THSD7B: variants seen among roughly 807,000 people sequenced by gnomAD.
The protein encoded by THSD7B is thrombospondin type-1 domain-containing protein 7B.
THSD7B carries 138 observed loss-of-function variants against 213.6 expected under a neutral mutation model. The ratio of observed to expected loss-of-function variants is 0.65; its 90% CI spans 0.56 to 0.74. The LOEUF is 0.74. Among genes scored for constraint, THSD7B ranks in the 30% least tolerant of loss-of-function variants. The pLI, the probability that THSD7B is intolerant of heterozygous loss-of-function variation, is 0.00. For missense variants in THSD7B, 1,931 were observed against 1,991.5 expected, an observed-to-expected ratio of 0.97 and a Z score of 0.58; for synonymous variants, 742 against 687.0, an observed-to-expected ratio of 1.08 and a Z score of -1.25.
intron 2 of THSD7B, among the ~76,000 whole-genome samples, chr2:137,028,118 A>G (rs1419787320): frequency 6.6e-6 from 1 of 152,184 alleles, no homozygotes; most frequent in Non-Finnish European, 1.5e-5. Context: ...AATAGATTTC[A>G]TTATTAAGAT....
At chr2:137,421,523 A>T (rs141369406) in intron 14 of THSD7B, among the ~76,000 whole-genome samples, 12 of 152,182 alleles carry the variant, frequency 7.9e-5, no homozygotes, top group Non-Finnish European at 1.8e-4. Flanking sequence ...CAAGAGGGGC[A>T]TGGGGGTAGG....
chr2:137,049,551 G>A (rs1687030817), intron 2 of THSD7B, among the ~76,000 whole-genome samples: 2 of 152,138 alleles, frequency 1.3e-5, no homozygotes, highest in African/African-American at 4.8e-5. Flanking sequence ...AATAAACCAT[G>A]CCTATTACTA....
chr2:137,605,163 T>C lies in THSD7B; in HGVS notation c.3424-11012T>C, dbSNP rs1682148017. On this transcript the variant is annotated intron_variant, in intron 17 of 27. Transcript: ENST00000409968. ...GCTGCATGTCTTGTTTTCCAGATGC[T>C]AATTTCTATTTTGAGAGGCAAGTAC... Among the ~76,000 whole-genome samples, 4 of 152,216 alleles carry C rather than the reference T, an allele frequency of 2.6e-5. No individual in the cohort carries two copies. In the South Asian group the frequency reaches 8.3e-4, roughly 32 times the overall value.
Position 137,632,199 on chromosome 2 carries a change from AATTATT to A in THSD7B, c.3800-10286_3800-10281del, listed in dbSNP as rs545507253. On this transcript the variant is annotated intron_variant, in intron 20 of 27. Transcript: ENST00000409968. ...GGGTTGCATGCTATATCACTATAAA[AATTATT>A]ATAATTTATAGATATATTTGAGAAT... Among the ~76,000 whole-genome samples, 613 of 152,284 alleles carry A rather than the reference AATTATT, an allele frequency of 4.0e-3. 7 individuals carry two copies. Among genetic ancestry groups the A allele is most frequent in the African/African-American group, 0.014 (579 of 41,562 alleles).
chr2:137,463,841 G>A (rs950642694), intron 15 of THSD7B, among the ~76,000 whole-genome samples: 1 of 152,110 alleles, frequency 6.6e-6, no homozygotes. Context: ...GCATTAAAAT[G>A]AGGTGGAATT....
chr2:137,235,655 C>T (rs1681747796), intron 9 of THSD7B, among the ~76,000 whole-genome samples: 1 of 152,122 alleles, frequency 6.6e-6, no homozygotes, highest in Admixed American at 6.5e-5. Flanking sequence ...AGAAAAAAAT[C>T]ACAGGAACAG....
intron 27 of THSD7B, among the ~76,000 whole-genome samples, chr2:137,670,785 G>C (rs371473753): frequency 4.6e-5 from 7 of 152,088 alleles, no homozygotes; most frequent in African/African-American, 1.7e-4. Context: ...GCCAGGTGTG[G>C]TGGCGGGCGC....
At chr2:137,067,583 G>C (rs776719277) in intron 3 of THSD7B, among the ~76,000 whole-genome samples, 22 of 152,156 alleles carry the variant, frequency 1.4e-4, no homozygotes, top group Non-Finnish European at 2.8e-4. Flanking sequence ...TTTGTCCCAT[G>C]ATTAGATTCT....
intron 15 of THSD7B, among the ~76,000 whole-genome samples, chr2:137,540,419 T>C (rs1459453252): frequency 1.3e-5 from 2 of 151,668 alleles, no homozygotes; most frequent in Non-Finnish European, 3.0e-5. Context: ...TCTCGCATTT[T>C]AACTTGCCCT....
intron 2 of THSD7B, among the ~76,000 whole-genome samples, chr2:136,898,395 C>A (rs1684001575): frequency 6.6e-6 from 1 of 152,118 alleles, no homozygotes; most frequent in Admixed American, 6.5e-5. Context: ...GTGCAGTGAA[C>A]TCCTGACCTC....
intron 5 of THSD7B, among the ~76,000 whole-genome samples, chr2:137,131,866 C>CT (rs1222690061): frequency 1.3e-5 from 2 of 152,052 alleles, no homozygotes; most frequent in African/African-American, 4.8e-5. Flanking sequence ...AATGTGGGCT[C>CT]TTTTTTGGTT....
At chr2:137,578,415 A>G (rs1277986654) in intron 17 of THSD7B, among the ~76,000 whole-genome samples, 2 of 152,224 alleles carry the variant, frequency 1.3e-5, no homozygotes, top group African/African-American at 4.8e-5. Flanking sequence ...TAAAGCTCAC[A>G]TAGGTCTAGG....
chr2:137,601,891 T>G (rs1359854635), intron 17 of THSD7B, among the ~76,000 whole-genome samples: 2 of 152,236 alleles, frequency 1.3e-5, no homozygotes, highest in Non-Finnish European at 2.9e-5. Context: ...CTGTATCCTT[T>G]CAGCTCCACC....
intron 15 of THSD7B, among the ~76,000 whole-genome samples, chr2:137,481,813 G>A (rs1402304002): frequency 6.6e-6 from 1 of 152,080 alleles, no homozygotes; most frequent in Non-Finnish European, 1.5e-5. Context: ...ATATATCCAG[G>A]GAGTCTCAGG....
chr2:137,200,090 C>A (rs960612413), intron 7 of THSD7B, among the ~76,000 whole-genome samples: 2 of 152,098 alleles, frequency 1.3e-5, no homozygotes, highest in African/African-American at 2.4e-5. Context: ...AATAATTTTT[C>A]TCTTACTCAA....
chr2:137,167,618 T>C (rs2104991738), intron 6 of THSD7B, among the ~76,000 whole-genome samples: 1 of 152,340 alleles, frequency 6.6e-6, no homozygotes, highest in South Asian at 2.1e-4. Context: ...TTCTGCCATC[T>C]GCTCGTCTTC....
At chr2:137,257,901 T>C (rs1259067283) in intron 10 of THSD7B, among the ~76,000 whole-genome samples, 1 of 152,166 alleles carries the variant, frequency 6.6e-6, no homozygotes, top group Non-Finnish European at 1.5e-5. Flanking sequence ...CTCAACCACT[T>C]ACTGGGACCT....
Position 137,405,786 on chromosome 2 carries a change from A to G in THSD7B, c.2674A>G (p.Ser892Gly). The stretch of plus-strand genomic sequence containing the variant: ...CTCCACGAACTGTGAAGCCACAAAA[A>G]GTAGGCGGCGACAGCTCACAGGTAT... ...PCSTNCEATK[S>G]RRRQLTGKSR... Residue 892 changes from serine to glycine, a missense_variant, in exon 13 of 28, where the codon AGT (serine) becomes GGT (glycine). Coordinates refer to ENST00000409968, the MANE Select transcript of THSD7B (RefSeq NM_001316349.2). The G allele has an allele frequency of 6.2e-7, 1 of 1,612,658 alleles. No individual in the cohort carries two copies. The highest frequency in any genetic ancestry group is 1.7e-4 in the Middle Eastern group (1 of 6,052).
In THSD7B at chr2:137,573,063, T is replaced by TA. The variant is rs201536777; in HGVS notation, c.3423+521dup. Among the ~76,000 whole-genome samples, 1,125 of 142,146 alleles carry TA rather than the reference T, an allele frequency of 7.9e-3. 3 individuals carry two copies. The highest frequency in any genetic ancestry group is 9.5e-3 in the South Asian group (43 of 4,524). 93.3% of individuals were successfully genotyped at this position (142,146 alleles called of 152,430 possible). On this transcript the variant is annotated intron_variant, in intron 17 of 27. Transcript: ENST00000409968. ...TCTTCCAAAGCTAACAAAAATACCT[T>TA]AAAAAAAAAAAAAACTAAAGGATAT...
Sources: gnomAD v4.1 joint callset for allele counts (sites outside exome capture counted in the v4.1 genomes callset) on GRCh38, gnomAD v4.1.1 for gene constraint, MANE v1.5 for transcripts, NCBI Gene and HGNC (gene_info 2026-07-23, HGNC 2026-07-21) for gene names.